BTBD9: variants seen among roughly 807,000 people sequenced by gnomAD.
BTBD9 encodes BTB/POZ domain-containing protein 9.
BTBD9 carries 49 observed loss-of-function variants against 64.3 expected under a neutral mutation model. The ratio of observed to expected loss-of-function variants is 0.76; its 90% CI spans 0.61 to 0.97. BTBD9 has a LOEUF of 0.97. Ranked by LOEUF, BTBD9 falls within the 50% of genes least tolerant of loss-of-function variation. The pLI, the probability that BTBD9 is intolerant of heterozygous loss-of-function variation, is 0.00. For missense variants in BTBD9, 598 were observed against 762.1 expected (o/e 0.78, Z 2.53); for synonymous variants, 260 against 274.7 (o/e 0.95, Z 0.53).
Position 38,498,587 on chromosome 6 carries a change from T to C in BTBD9, c.1154+79013A>G, listed in dbSNP as rs562826145. Among the ~76,000 whole-genome samples, 12 of 151,934 alleles carry C rather than the reference T, an allele frequency of 7.9e-5. No individual in the cohort carries two copies. In the East Asian group the frequency reaches 1.9e-3, roughly 25 times the overall value. On this transcript the variant is annotated intron_variant, in intron 6 of 10. Coordinates refer to ENST00000481247, the MANE Select transcript of BTBD9 (RefSeq NM_001099272.2). ...CTCATAGCTCGTTGGCCTGGGCAAG[T>C]CACAAAGCCCAAATCCAATAGCAAC... is the stretch of plus-strand genomic sequence containing the variant.
chr6:38,519,792 T>G (rs1264541828), intron 6 of BTBD9, among the ~76,000 whole-genome samples: 1 of 152,174 alleles, frequency 6.6e-6, no homozygotes, highest in African/African-American at 2.4e-5. Flanking sequence ...TCCCTGCCAT[T>G]TCAGCTGTTA....
At chr6:38,352,575 G>A (rs2127593594) in intron 6 of BTBD9, among the ~76,000 whole-genome samples, 1 of 152,280 alleles carries the variant, frequency 6.6e-6, no homozygotes, top group South Asian at 2.1e-4. Context: ...GCTTCATAAT[G>A]CATTAGATAA....
rs541640289 is a variant in BTBD9, at chr6:38,605,236, G to A, written c.-27-7115C>T. Among the ~76,000 whole-genome samples, 7 of 151,962 alleles carry A rather than the reference G, an allele frequency of 4.6e-5. No homozygotes were observed. The South Asian group carries it at 6.3e-4, about 14-fold the overall frequency. On this transcript the variant is annotated intron_variant, in intron 1 of 10. Coordinates refer to ENST00000481247, the MANE Select transcript of BTBD9 (RefSeq NM_001099272.2). ...TAACTTTTGTATTTTTAGTAGAGAC[G>A]GGGTTTCACCATGTTGGCCAGGCTC...
At chr6:38,577,788 TAA>T (rs1433602661) in intron 5 of BTBD9, 69 bp from the exon 6 acceptor site, 1 of 1,397,008 alleles carries the variant, frequency 7.2e-7, no homozygotes. Context: ...TGTACTTTAA[TAA>T]AGTGTTAAAA....
chr6:38,179,285 C>A (rs1761433400), intron 10 of BTBD9: 7 of 359,668 alleles, frequency 1.9e-5, no homozygotes, highest in South Asian at 1.5e-4. Context: ...ACCTTGGAAT[C>A]CCCTGATTTA....
chr6:38,256,401 C>T lies in BTBD9; in HGVS notation c.1562+8G>A. The T allele has an allele frequency of 3.1e-6, 5 of 1,600,064 alleles. No individual in the cohort carries two copies. Among genetic ancestry groups the T allele is most frequent in the Middle Eastern group, 1.7e-4 (1 of 6,022 alleles). On this transcript the variant is annotated splice_region_variant and intron_variant, in intron 9 of 10. Transcript: ENST00000481247. ...ATAGGAATAAATTCCTGAAAAGACA[C>T]AACTTACTTGCAGGAGACTTTAGTT...
chr6:38,314,645 C>T (rs144602696), intron 7 of BTBD9, among the ~76,000 whole-genome samples: 133 of 152,028 alleles, frequency 8.7e-4, no homozygotes, highest in African/African-American at 2.7e-3. Context: ...CTTTTTATTA[C>T]GGCTTCAATC....
At chr6:38,499,696 A>G (rs1225857022) in intron 6 of BTBD9, among the ~76,000 whole-genome samples, 1 of 148,666 alleles carries the variant, frequency 6.7e-6, no homozygotes, top group Non-Finnish European at 1.5e-5. Context: ...AATAGATTCT[A>G]TATTACCATG....
chr6:38,203,709 AAGAT>A (rs1279118151), intron 9 of BTBD9, among the ~76,000 whole-genome samples: 1 of 151,962 alleles, frequency 6.6e-6, no homozygotes, highest in Non-Finnish European at 1.5e-5. Flanking sequence ...TGATCATATG[AAGAT>A]AGAGAACAGA....
intron 1 of BTBD9, among the ~76,000 whole-genome samples, chr6:38,631,693 C>T (rs1778368568): frequency 6.6e-6 from 1 of 152,162 alleles, no homozygotes; most frequent in African/African-American, 2.4e-5. Context: ...CCTCCAGCCC[C>T]AGCCCCAGCC....
In BTBD9 at chr6:38,240,032, G is replaced by A. The variant is rs57122655; in HGVS notation, c.1562+16377C>T. 4.8e-3 allele frequency among the ~76,000 whole-genome samples: 728 copies of A among 152,256 alleles called. 6 individuals carry two copies. The highest frequency in any genetic ancestry group is 0.016 in the African/African-American group (675 of 41,538). ...GCAATACAAAAGGTAACAAAGGAGT[G>A]GACTGGCTGAGCGTGCAAGGCTGCT... On this transcript the variant is annotated intron_variant, in intron 9 of 10. Transcript: ENST00000481247.
At chr6:38,561,299 C>T (rs1041321197) in intron 6 of BTBD9, among the ~76,000 whole-genome samples, 3 of 151,178 alleles carry the variant, frequency 2.0e-5, no homozygotes, top group African/African-American at 7.3e-5. Context: ...TAAAAAATAA[C>T]AGATGCTGGA....
intron 6 of BTBD9, among the ~76,000 whole-genome samples, chr6:38,367,766 T>C (rs937566383): frequency 3.2e-5 from 4 of 126,552 alleles, no homozygotes; most frequent in Non-Finnish European, 6.2e-5. Flanking sequence ...CAATTATGTA[T>C]ATCATCTTGC....
In BTBD9 at chr6:38,602,425, A is replaced by T. The variant is rs959366217; in HGVS notation, c.-27-4304T>A. The stretch of plus-strand genomic sequence containing the variant: ...AAGTTAGATACTAATGAACAAAAAA[A>T]TCTTAAGTATGTGTATTTACATGCA... On this transcript the variant is annotated intron_variant, in intron 1 of 10. Coordinates refer to ENST00000481247, the MANE Select transcript of BTBD9 (RefSeq NM_001099272.2). 3.3e-5 allele frequency among the ~76,000 whole-genome samples: 5 copies of T among 150,224 alleles called. No individual in the cohort carries two copies. The South Asian group carries it at 1.1e-3, about 32-fold the overall frequency.
chr6:38,359,378 A>G (rs572994039), intron 6 of BTBD9, among the ~76,000 whole-genome samples: 2 of 152,320 alleles, frequency 1.3e-5, no homozygotes, highest in African/African-American at 4.8e-5. Context: ...AGACGAGAGC[A>G]TGAAAAGGCC....
Position 38,307,275 on chromosome 6 carries a change from C to T in BTBD9, c.1265-18814G>A, listed in dbSNP as rs536327227. Reference sequence around the variant, plus strand: ...AACAATAGCTAATTAGAGAACAAGCCCATCTTTCTTGGAAACTATCAAAAA... The same window carrying T: ...AACAATAGCTAATTAGAGAACAAGCTCATCTTTCTTGGAAACTATCAAAAA... On this transcript the variant is annotated intron_variant, in intron 7 of 10. Transcript: ENST00000481247. Among the ~76,000 whole-genome samples the T allele has an allele frequency of 2.7e-4, 41 of 152,292 alleles. No individual in the cohort carries two copies. The South Asian group carries it at 8.3e-3, about 31-fold the overall frequency.
At chr6:38,385,552 T>G (rs1371422714) in intron 6 of BTBD9, among the ~76,000 whole-genome samples, 1 of 152,102 alleles carries the variant, frequency 6.6e-6, no homozygotes, top group Non-Finnish European at 1.5e-5. Context: ...ATATTTATTA[T>G]TGCAAGAGTA....
intron 6 of BTBD9, among the ~76,000 whole-genome samples, chr6:38,354,492 A>C (rs1354089292): frequency 1.3e-5 from 2 of 152,200 alleles, no homozygotes; most frequent in Admixed American, 6.5e-5. Context: ...GCTCGACAGA[A>C]CATATGGTCC....
At chr6:38,344,084 C>T (rs1764195814) in intron 7 of BTBD9, among the ~76,000 whole-genome samples, 1 of 152,190 alleles carries the variant, frequency 6.6e-6, no homozygotes. Context: ...CTTATCCCCA[C>T]ACCGGAACAT....
Sources: gnomAD v4.1 joint callset for allele counts (sites outside exome capture counted in the v4.1 genomes callset) on GRCh38, gnomAD v4.1.1 for gene constraint, MANE v1.5 for transcripts, NCBI Gene and HGNC (gene_info 2026-07-23, HGNC 2026-07-21) for gene names.